RGSL1: variants seen among roughly 807,000 people sequenced by gnomAD.
The protein encoded by RGSL1 is regulator of G protein signaling like 1, also known as regulator of G protein signaling protein-like.
In RGSL1, 97 loss-of-function variants were observed where a neutral mutation model predicts 124.7. The observed-to-expected ratio is 0.78, with a 90% CI of 0.66 to 0.92. The LOEUF (loss-of-function observed/expected upper bound fraction) is 0.92. RGSL1 is among the 40% of genes least tolerant of loss of function. RGSL1 has a pLI of 0.00. For missense variants in RGSL1, 1,233 were observed against 1,288.4 expected (o/e 0.96, Z 0.66); for synonymous variants, 424 against 438.1 (o/e 0.97, Z 0.40).
chr1:182,527,639 G>A lies in RGSL1; in HGVS notation c.1992G>A (p.Lys664=). The A allele has an allele frequency of 1.3e-6, 2 of 1,551,680 alleles. No homozygotes were observed. Among genetic ancestry groups the A allele is most frequent in the Non-Finnish European group, 1.7e-6 (2 of 1,146,854 alleles). ...TGGAGTTCTTCAGGGAGTTCCTCAA[G>A]GAACGGAAGGCTAAAATCCCATTGC... is the stretch of plus-strand genomic sequence containing the variant. ...QHLEFFREFL[K]ERKAKIPLQF... The change falls in exon 11 of 22, where the codon AAG becomes AAA. Residue 664 remains lysine, a synonymous_variant. Coordinates refer to ENST00000294854, the MANE Select transcript of RGSL1 (RefSeq NM_001137669.2).
chr1:182,533,281 A>T (rs1487776203), intron 14 of RGSL1, among the ~76,000 whole-genome samples: 1 of 143,844 alleles, frequency 7.0e-6, no homozygotes, highest in Non-Finnish European at 1.5e-5. Context: ...CACATATTTG[A>T]TTTGTAACTT....
At chr1:182,547,488 T>G (rs1275522655) in intron 15 of RGSL1, among the ~76,000 whole-genome samples, 1 of 152,164 alleles carries the variant, frequency 6.6e-6, no homozygotes, top group Non-Finnish European at 1.5e-5. Flanking sequence ...TTGCTTGACC[T>G]CTACAAACTA....
chr1:182,512,420 C>T (rs571831641), intron 9 of RGSL1, among the ~76,000 whole-genome samples: 3 of 152,176 alleles, frequency 2.0e-5, no homozygotes, highest in Non-Finnish European at 4.4e-5. Flanking sequence ...CCCTGACCCC[C>T]CCTCTGCAGA....
At chr1:182,501,598 C>T (rs1253388220) in intron 9 of RGSL1, among the ~76,000 whole-genome samples, 2 of 151,884 alleles carry the variant, frequency 1.3e-5, no homozygotes, top group African/African-American at 4.8e-5. Flanking sequence ...GGATTACAGA[C>T]GTGAGCCGCT....
intron 6 of RGSL1, 28 bp downstream of exon 6, chr1:182,474,570 A>G (rs1654138341): frequency 3.3e-6 from 5 of 1,508,806 alleles, no homozygotes; most frequent in Non-Finnish European, 4.4e-6. Flanking sequence ...GAAATAAGTT[A>G]TATCTGGCAA....
At chr1:182,474,946 C>T (rs1654170417) in intron 6 of RGSL1, among the ~76,000 whole-genome samples, 1 of 152,186 alleles carries the variant, frequency 6.6e-6, no homozygotes, top group Non-Finnish European at 1.5e-5. Context: ...AAATCATCCC[C>T]CCAGCCCCAA....
intron 9 of RGSL1, among the ~76,000 whole-genome samples, chr1:182,519,724 C>T (rs533633449): frequency 2.6e-5 from 4 of 151,884 alleles, no homozygotes; most frequent in South Asian, 2.1e-4. Flanking sequence ...AAGTATATTT[C>T]GTATACTTTT....
chr1:182,516,035 A>C (rs1291826859), intron 9 of RGSL1, among the ~76,000 whole-genome samples: 1 of 152,266 alleles, frequency 6.6e-6, no homozygotes, highest in Admixed American at 6.5e-5. Flanking sequence ...AGCACAGCAA[A>C]GTCCAGGTAT....
At chr1:182,468,023 A>G (rs971506514) in intron 4 of RGSL1, among the ~76,000 whole-genome samples, 3 of 152,256 alleles carry the variant, frequency 2.0e-5, no homozygotes, top group Admixed American at 6.5e-5. Context: ...AAAAATGCTC[A>G]TCATCACTGG....
intron 9 of RGSL1, among the ~76,000 whole-genome samples, chr1:182,520,002 C>A (rs553659): frequency 0.86 from 131,518 of 152,134 alleles, 57,171 homozygotes; most frequent in Non-Finnish European, 0.89. Flanking sequence ...TCATATTTGA[C>A]TTTTCTGTGC....
chr1:182,559,894 T>A (rs765025089), intron 21 of RGSL1, among the ~76,000 whole-genome samples: 2 of 152,194 alleles, frequency 1.3e-5, no homozygotes, highest in East Asian at 3.9e-4. Context: ...TACTTATTCA[T>A]GTATGTGTCT....
At chr1:182,511,787 A>G (rs372140114) in intron 9 of RGSL1, among the ~76,000 whole-genome samples, 40 of 152,300 alleles carry the variant, frequency 2.6e-4, no homozygotes, top group African/African-American at 8.7e-4. Flanking sequence ...GAAGAATGTC[A>G]TTGGTGTTTC....
chr1:182,545,936 T>G (rs1301382655), intron 15 of RGSL1, among the ~76,000 whole-genome samples: 1 of 152,206 alleles, frequency 6.6e-6, no homozygotes, highest in East Asian at 1.9e-4. Context: ...CTGGCCTTCC[T>G]GTACCTAAAC....
intron 6 of RGSL1, among the ~76,000 whole-genome samples, 174 bp downstream of exon 6, chr1:182,474,716 C>A (rs1252076975): frequency 1.3e-5 from 2 of 152,142 alleles, no homozygotes; most frequent in Non-Finnish European, 2.9e-5. Context: ...CCCTGGGCCG[C>A]AAATCTGTAT....
chr1:182,483,927 G>A (rs1386508903), intron 6 of RGSL1, among the ~76,000 whole-genome samples: 1 of 152,142 alleles, frequency 6.6e-6, no homozygotes, highest in Non-Finnish European at 1.5e-5. Flanking sequence ...GTACTCTGGA[G>A]GTTCGGGCCC....
At chr1:182,530,759 C>G in intron 12 of RGSL1, 31 bp from the exon 13 acceptor site, 1 of 1,493,566 alleles carries the variant, frequency 6.7e-7, no homozygotes, top group Non-Finnish European at 8.9e-7. Context: ...GGTTTTTGCC[C>G]TGTTTGATAT....
chr1:182,551,491 C>A (rs1019142121), intron 18 of RGSL1, among the ~76,000 whole-genome samples: 3 of 152,208 alleles, frequency 2.0e-5, no homozygotes, highest in Non-Finnish European at 4.4e-5. Context: ...AGAGGATGAT[C>A]TGCTTTTCTG....
At chr1:182,510,751 A>T (rs1015455232) in intron 9 of RGSL1, among the ~76,000 whole-genome samples, 2 of 150,956 alleles carry the variant, frequency 1.3e-5, no homozygotes, top group Non-Finnish European at 2.9e-5. Context: ...ACGTCTATTC[A>T]GAGCTTTTGC....
At chr1:182,484,223 T>C (rs1000408333) in intron 6 of RGSL1, among the ~76,000 whole-genome samples, 7 of 152,086 alleles carry the variant, frequency 4.6e-5, no homozygotes, top group African/African-American at 1.7e-4. Flanking sequence ...CAGCCACTGT[T>C]CTGTTTCCCT....
Sources: allele counts gnomAD v4.1 joint callset (sites outside exome capture counted in the v4.1 genomes callset), GRCh38; gene constraint gnomAD v4.1.1; transcripts MANE v1.5; gene names NCBI Gene and HGNC (gene_info 2026-07-23, HGNC 2026-07-21).